The following DCPH1 variants were observed in gnomAD, a reference collection of about 807,000 sequenced individuals.
The protein encoded by DCPH1 is damage control phosphatase 1.
At chr6:151,454,670 CT>C in the DCPH1 span, 1 of 1,265,916 alleles carries the variant, frequency 7.9e-7, no homozygotes, top group Non-Finnish European at 1.1e-6. Flanking sequence ...ATTGTTTTAA[CT>C]TTTAATTTTT....
At chr6:151,452,809 C>T in the DCPH1 span, 6 of 542,738 alleles carry the variant, frequency 1.1e-5, no homozygotes, top group South Asian at 1.2e-4. Context: ...TCGTAAGGAT[C>T]AGGACAGGGG....
chr6:151,467,809 C>A, the DCPH1 span, among the ~76,000 whole-genome samples: 1 of 152,094 alleles, frequency 6.6e-6, no homozygotes, highest in African/African-American at 2.4e-5. Context: ...GTTAACATGA[C>A]CTTGTTTAAA....
chr6:151,456,516 T>C, the DCPH1 span, among the ~76,000 whole-genome samples: 1 of 152,242 alleles, frequency 6.6e-6, no homozygotes, highest in South Asian at 2.1e-4. Context: ...TGCTGAATGG[T>C]TTTAATGTTT....
At chr6:151,452,827 C>T in the DCPH1 span, 1 of 466,972 alleles carries the variant, frequency 2.1e-6, no homozygotes, top group Non-Finnish European at 3.8e-6. Flanking sequence ...GGGTCAGCTT[C>T]GCGGTCTGTT....
chr6:151,465,129 A>C, the DCPH1 span, among the ~76,000 whole-genome samples: 1 of 152,224 alleles, frequency 6.6e-6, no homozygotes, highest in Admixed American at 6.5e-5. Context: ...TGCTGTTAGC[A>C]TCGGTAGGTG....
chr6:151,458,093 C>T, the DCPH1 span, among the ~76,000 whole-genome samples: 19,774 of 151,834 alleles, frequency 0.13, 1,607 homozygotes, highest in East Asian at 0.39. Flanking sequence ...AATGGTCATC[C>T]CACCGAAGAT....
At chr6:151,468,262 T>C in the DCPH1 span, 1 of 888,212 alleles carries the variant, frequency 1.1e-6, no homozygotes, top group Non-Finnish European at 1.7e-6. Flanking sequence ...TTTTTAGCAA[T>C]GTCCCCCCAT....
the DCPH1 span, among the ~76,000 whole-genome samples, chr6:151,466,916 C>T: frequency 6.6e-6 from 1 of 151,844 alleles, no homozygotes; most frequent in African/African-American, 2.4e-5. Flanking sequence ...TTATTTAAGC[C>T]TTTTTTTTAA....
chr6:151,458,290 AC>A, the DCPH1 span: 36 of 1,595,396 alleles, frequency 2.3e-5, no homozygotes, highest in Middle Eastern at 1.7e-4. Context: ...GCACAGACAC[AC>A]ACACACACAC....
At chr6:151,464,635 A>G in the DCPH1 span, 3 of 1,563,808 alleles carry the variant, frequency 1.9e-6, no homozygotes, top group Non-Finnish European at 2.6e-6. Context: ...GTGATCATTA[A>G]TCTTCTGAGT....
the DCPH1 span, among the ~76,000 whole-genome samples, chr6:151,458,158 G>C: frequency 5.3e-5 from 8 of 152,118 alleles, no homozygotes. Flanking sequence ...TATGAGATCT[G>C]TGTGTGTTTT....
chr6:151,452,519 G>C, the DCPH1 span: 27 of 1,611,228 alleles, frequency 1.7e-5, 1 homozygote, highest in South Asian at 2.6e-4. Flanking sequence ...GAACAGCCGA[G>C]CTTTGCGGCC....
chr6:151,457,479 G>C, the DCPH1 span, among the ~76,000 whole-genome samples: 1 of 152,162 alleles, frequency 6.6e-6, no homozygotes, highest in African/African-American at 2.4e-5. Flanking sequence ...GAAGAGATTT[G>C]GAGGAGGGGG....
the DCPH1 span, among the ~76,000 whole-genome samples, chr6:151,466,356 ATCT>A: frequency 8.6e-5 from 13 of 151,836 alleles, no homozygotes; most frequent in African/African-American, 2.7e-4. Context: ...TCAGGGAATC[ATCT>A]TCTTTGAATG....
chr6:151,455,563 A>G, the DCPH1 span, among the ~76,000 whole-genome samples: 5 of 152,258 alleles, frequency 3.3e-5, no homozygotes, highest in Non-Finnish European at 7.3e-5. Context: ...TTTACAAAGC[A>G]GTATTGCTGC....
chr6:151,462,853 A>T, the DCPH1 span, among the ~76,000 whole-genome samples: 5 of 152,340 alleles, frequency 3.3e-5, no homozygotes, highest in Non-Finnish European at 7.3e-5. Flanking sequence ...TGTGACTTTA[A>T]TGAATGGTTT....
the DCPH1 span, among the ~76,000 whole-genome samples, chr6:151,461,857 A>G: frequency 6.6e-6 from 1 of 152,216 alleles, no homozygotes; most frequent in Non-Finnish European, 1.5e-5. Context: ...TCAAGAAACT[A>G]GAATGTTGCA....
At chr6:151,452,623 A>G in the DCPH1 span, 9 of 1,592,688 alleles carry the variant, frequency 5.7e-6, no homozygotes, top group Admixed American at 1.3e-4. Context: ...TTTTGCGGAA[A>G]GCCGGGCCTC....
chr6:151,459,620 C>T, the DCPH1 span, among the ~76,000 whole-genome samples: 1 of 151,946 alleles, frequency 6.6e-6, no homozygotes, highest in Admixed American at 6.6e-5. Context: ...GGCGAAACCC[C>T]GTCTCTACAA....
Sources: allele counts gnomAD v4.1 joint callset (sites outside exome capture counted in the v4.1 genomes callset), GRCh38; gene constraint gnomAD v4.1.1; transcripts MANE v1.5; gene names NCBI Gene and HGNC (gene_info 2026-07-23, HGNC 2026-07-21).